Variants in ACER2 observed in about 807,000 individuals in gnomAD.
ACER2 encodes the protein alkaline ceramidase 2, also known as alkCDase 2.
Under a neutral mutation model 34.7 loss-of-function variants are expected in ACER2, and 26 were observed. That is an observed-to-expected ratio of 0.75 (90% CI 0.55 to 1.04). ACER2 has a LOEUF of 1.04. Among genes scored for constraint, ACER2 ranks in the 50% least tolerant of loss-of-function variants. ACER2 has a pLI of 0.00. For missense variants in ACER2, 352 were observed against 340.8 expected (o/e 1.03, Z -0.26); for synonymous variants, 138 against 132.1 (o/e 1.04, Z -0.31).
intron 1 of ACER2, among the ~76,000 whole-genome samples, chr9:19,416,626 A>G (rs545959849): frequency 3.3e-5 from 5 of 151,868 alleles, no homozygotes; most frequent in East Asian, 3.9e-4. Context: ...CCCGGGTCCA[A>G]GTGATTCTCC....
chr9:19,436,274 A>G (rs571669257), intron 4 of ACER2, among the ~76,000 whole-genome samples: 23 of 152,218 alleles, frequency 1.5e-4, no homozygotes, highest in Non-Finnish European at 3.1e-4. Flanking sequence ...TTAGTCTGAA[A>G]TGTTCATTCA....
At chr9:19,409,456 C>G (rs1048115784) in intron 1 of ACER2, among the ~76,000 whole-genome samples, 4 of 152,178 alleles carry the variant, frequency 2.6e-5, no homozygotes, top group African/African-American at 9.7e-5. Context: ...TGTTTGGCCC[C>G]CACGCGTCCA....
intron 4 of ACER2, among the ~76,000 whole-genome samples, chr9:19,442,075 C>G (rs1831173532): frequency 6.6e-6 from 1 of 152,170 alleles, no homozygotes; most frequent in African/African-American, 2.4e-5. Flanking sequence ...TGAACTCTCC[C>G]TTAGACCATG....
At chr9:19,439,073 A>G (rs1396088180) in intron 4 of ACER2, among the ~76,000 whole-genome samples, 1 of 152,236 alleles carries the variant, frequency 6.6e-6, no homozygotes, top group Non-Finnish European at 1.5e-5. Context: ...ACATAAGGAA[A>G]TATATTTTCC....
intron 4 of ACER2, 172 bp from the exon 5 acceptor site, chr9:19,446,109 C>A: frequency 1.0e-6 from 1 of 960,456 alleles, no homozygotes; most frequent in Non-Finnish European, 1.7e-6. Context: ...CATCTGTGTA[C>A]ATATGGTATT....
intron 3 of ACER2, among the ~76,000 whole-genome samples, chr9:19,434,324 G>A (rs1830879364): frequency 6.6e-6 from 1 of 150,488 alleles, no homozygotes; most frequent in African/African-American, 2.4e-5. Flanking sequence ...TCACATCCCA[G>A]ACGATGGCCG....
chr9:19,433,327 G>C (rs1437621258), intron 3 of ACER2, among the ~76,000 whole-genome samples: 1 of 151,878 alleles, frequency 6.6e-6, no homozygotes, highest in East Asian at 1.9e-4. Flanking sequence ...GGGTCCCTGG[G>C]TACTTGAGAT....
chr9:19,447,054 C>T (rs1435432412), intron 5 of ACER2, among the ~76,000 whole-genome samples: 1 of 151,744 alleles, frequency 6.6e-6, no homozygotes, highest in East Asian at 1.9e-4. Flanking sequence ...TTACAAAATA[C>T]ATGCAGAATC....
intron 4 of ACER2, among the ~76,000 whole-genome samples, chr9:19,442,828 C>A (rs1232869031): frequency 1.3e-5 from 2 of 149,910 alleles, no homozygotes; most frequent in Non-Finnish European, 2.9e-5. Context: ...ATTTGGTGCC[C>A]AATAAATACT....
intron 4 of ACER2, among the ~76,000 whole-genome samples, chr9:19,441,312 T>C (rs532077122): frequency 2.0e-5 from 3 of 152,218 alleles, no homozygotes; most frequent in South Asian, 2.1e-4. Context: ...GCCTCCCAAA[T>C]TGCTGAGATT....
chr9:19,421,212 C>T (rs191472406), intron 1 of ACER2, among the ~76,000 whole-genome samples: 1 of 152,310 alleles, frequency 6.6e-6, no homozygotes, highest in Admixed American at 6.5e-5. Flanking sequence ...GGTCCACTGT[C>T]ATATGTGTGG....
At chr9:19,439,557 C>T (rs1057476068) in intron 4 of ACER2, among the ~76,000 whole-genome samples, 31 of 152,146 alleles carry the variant, frequency 2.0e-4, no homozygotes, top group African/African-American at 7.0e-4. Flanking sequence ...GCTTTCTTAT[C>T]AGCCTGTAAA....
chr9:19,434,348 G>A (rs1830881517), intron 3 of ACER2, among the ~76,000 whole-genome samples: 1 of 152,066 alleles, frequency 6.6e-6, no homozygotes, highest in Non-Finnish European at 1.5e-5. Flanking sequence ...AGGCAGAGAC[G>A]CTCCTCACTT....
chr9:19,428,719 C>T (rs1830658125), intron 3 of ACER2, among the ~76,000 whole-genome samples: 2 of 144,954 alleles, frequency 1.4e-5, no homozygotes, highest in African/African-American at 5.1e-5. Context: ...ATGGCTCACA[C>T]AGAGTAAAGA....
chr9:19,428,470 T>G (rs1266418505), intron 3 of ACER2, among the ~76,000 whole-genome samples: 1 of 152,080 alleles, frequency 6.6e-6, no homozygotes, highest in Non-Finnish European at 1.5e-5. Context: ...ATCTGGCCTT[T>G]GCTGGAATAT....
At chr9:19,420,326 C>T (rs1224699844) in intron 1 of ACER2, among the ~76,000 whole-genome samples, 1 of 152,082 alleles carries the variant, frequency 6.6e-6, no homozygotes, top group African/African-American at 2.4e-5. Context: ...GTGTTTAGTC[C>T]AGGACCCCTC....
rs201611502 is a variant in ACER2 at position 19,409,201 on chromosome 9, C to T, written c.108+9C>T. The T allele has an allele frequency of 1.1e-5, 17 of 1,572,618 alleles. No homozygotes were observed. The highest frequency in any genetic ancestry group is 2.7e-5 in the African/African-American group (2 of 74,018). On this transcript the variant is annotated intron_variant, in intron 1 of 5. Coordinates refer to ENST00000340967, the MANE Select transcript of ACER2 (RefSeq NM_001010887.3). ...CCGAGTTCTACAACACGGTGCGGGG[C>T]GCGGGAGCGGGGAAGGCAGGCGGGC...
intron 1 of ACER2, among the ~76,000 whole-genome samples, chr9:19,418,441 C>T (rs1830301188): frequency 6.6e-6 from 1 of 152,122 alleles, no homozygotes; most frequent in Non-Finnish European, 1.5e-5. Flanking sequence ...AGACTTGGAA[C>T]CAACCCAAAT....
intron 3 of ACER2, among the ~76,000 whole-genome samples, chr9:19,434,445 G>C (rs1268074357): frequency 3.3e-5 from 5 of 152,358 alleles, no homozygotes; most frequent in South Asian, 2.1e-4. Flanking sequence ...AGGTTGTAGC[G>C]AGCCGAGATC....
Sources: allele counts gnomAD v4.1 joint callset (sites outside exome capture counted in the v4.1 genomes callset), GRCh38; gene constraint gnomAD v4.1.1; transcripts MANE v1.5; gene names NCBI Gene and HGNC (gene_info 2026-07-23, HGNC 2026-07-21).